Variants in KLHDC4 observed in about 807,000 individuals in gnomAD.
KLHDC4 encodes kelch domain containing 4, also known as kelch domain-containing protein 4.
A neutral mutation model predicts 62.4 loss-of-function variants in KLHDC4; 90 were observed. The ratio of observed to expected loss-of-function variants is 1.44; its 90% CI spans 1.22 to 1.72. The LOEUF is 1.72. KLHDC4 is among the 40% of genes most tolerant of loss of function. The probability of loss-of-function intolerance (pLI) is 0.00; values close to 1 mark genes in which losing one functional copy is unlikely to be tolerated. For missense variants in KLHDC4, 1,025 were observed against 699.7 expected, an observed-to-expected ratio of 1.47 and a Z score of -5.25; for synonymous variants, 386 against 284.4, an observed-to-expected ratio of 1.36 and a Z score of -3.59.
downstream of KLHDC4, chr16:87,703,249 C>T (rs542207433): frequency 4.6e-5 from 7 of 151,794 alleles, no homozygotes; most frequent in East Asian, 1.9e-4. Context: ...GTGCAGGAAT[C>T]GCGAGTGAGT....
chr16:87,706,435 C>T (rs1209952069), downstream of KLHDC4, among the ~76,000 whole-genome samples: 4 of 134,076 alleles, frequency 3.0e-5, no homozygotes, highest in African/African-American at 1.1e-4. Context: ...CCAGGGGGGT[C>T]GGCGGAGGGG....
At chr16:87,750,717 A>C (rs560080699) in intron 4 of KLHDC4, among the ~76,000 whole-genome samples, 1 of 152,182 alleles carries the variant, frequency 6.6e-6, no homozygotes, top group Non-Finnish European at 1.5e-5. Context: ...CCGCACATAG[A>C]AACGGCCACA....
Position 87,748,683 on chromosome 16 carries a change from C to T in KLHDC4, c.496G>A (p.Glu166Lys). ...WVLHLATKTW[E>K]QVKSTGGPSG... is the part of the protein sequence containing the mutation. Reference sequence around the variant, plus strand: ...CATCTGGCTTCTTACTTGACTTGTTCCCAGGTCTTGGTGGCCAAATGCAGG... The same window carrying T: ...CATCTGGCTTCTTACTTGACTTGTTTCCAGGTCTTGGTGGCCAAATGCAGG... The change falls in exon 5 of 12, where the codon GAA (glutamate) becomes AAA (lysine). Residue 166 changes from glutamate to lysine, a missense_variant. Physicochemically the swap from Glu to Lys is moderately conservative, Grantham distance 56. Coordinates refer to ENST00000270583, the MANE Select transcript of KLHDC4 (RefSeq NM_017566.4). The T allele has an allele frequency of 6.2e-7, 1 of 1,613,608 alleles. No homozygotes were observed. The highest frequency in any genetic ancestry group is 8.5e-7 in the Non-Finnish European group (1 of 1,179,924).
At chr16:87,746,415 A>C (rs980454775) in intron 5 of KLHDC4, among the ~76,000 whole-genome samples, 2 of 152,004 alleles carry the variant, frequency 1.3e-5, no homozygotes, top group African/African-American at 4.8e-5. Context: ...GAGTGAGAGA[A>C]AGATTAAGCG....
chr16:87,765,491 GAGGGAGA>G (rs2046515327), intron 1 of KLHDC4, among the ~76,000 whole-genome samples: 1 of 152,120 alleles, frequency 6.6e-6, no homozygotes, highest in Non-Finnish European at 1.5e-5. Flanking sequence ...AGGGAGGGTG[GAGGGAGA>G]AGGGAGGAGG....
At chr16:87,744,210 G>A (rs1421453341) in intron 5 of KLHDC4, among the ~76,000 whole-genome samples, 1 of 152,134 alleles carries the variant, frequency 6.6e-6, no homozygotes, top group Non-Finnish European at 1.5e-5. Context: ...GAGGTCAGGA[G>A]TTCAAGACCA....
intron 5 of KLHDC4, among the ~76,000 whole-genome samples, chr16:87,734,629 A>G (rs1274362203): frequency 6.6e-6 from 1 of 152,184 alleles, no homozygotes; most frequent in Non-Finnish European, 1.5e-5. Flanking sequence ...AACCAGAAGC[A>G]ATCAGTTCCT....
At chr16:87,744,038 G>A (rs1209410883) in intron 5 of KLHDC4, among the ~76,000 whole-genome samples, 1 of 152,026 alleles carries the variant, frequency 6.6e-6, no homozygotes, top group East Asian at 1.9e-4. Context: ...CAGCAATTTG[G>A]GAGGCCGAGG....
At chr16:87,725,431 C>G (rs578207956) in intron 7 of KLHDC4, among the ~76,000 whole-genome samples, 1 of 152,286 alleles carries the variant, frequency 6.6e-6, no homozygotes, top group Non-Finnish European at 1.5e-5. Flanking sequence ...TCCCAAAGTG[C>G]TGGGATTACA....
intron 4 of KLHDC4, among the ~76,000 whole-genome samples, chr16:87,752,871 C>T (rs2044248209): frequency 6.6e-6 from 1 of 152,220 alleles, no homozygotes; most frequent in Non-Finnish European, 1.5e-5. Flanking sequence ...GCAACCTGTA[C>T]CACGTTAGCT....
At chr16:87,725,855 G>C (rs1359633494) in intron 7 of KLHDC4, among the ~76,000 whole-genome samples, 1 of 152,112 alleles carries the variant, frequency 6.6e-6, no homozygotes, top group Non-Finnish European at 1.5e-5. Context: ...ACTGTTCTCA[G>C]GTTACCAAAG....
chr16:87,729,715 G>A (rs72812209), intron 6 of KLHDC4, among the ~76,000 whole-genome samples: 4,719 of 152,316 alleles, frequency 0.031, 111 homozygotes, highest in Non-Finnish European at 0.043. Flanking sequence ...TTCCGGCATC[G>A]CTGTGGAGAG....
intron 7 of KLHDC4, 83 bp from the exon 8 acceptor site, chr16:87,714,656 G>C (rs2036580035): frequency 1.4e-6 from 2 of 1,438,934 alleles, no homozygotes; most frequent in East Asian, 2.3e-5. Context: ...GGCGCATTTT[G>C]GATGGAAGGG....
chr16:87,756,056 G>A (rs994364100), intron 3 of KLHDC4: 1 of 196,548 alleles, frequency 5.1e-6, no homozygotes. Flanking sequence ...CACTTTCCGT[G>A]TTTAAGACAA....
At chr16:87,733,541 G>C (rs2040770371) in intron 5 of KLHDC4, among the ~76,000 whole-genome samples, 1 of 152,100 alleles carries the variant, frequency 6.6e-6, no homozygotes, top group Non-Finnish European at 1.5e-5. Context: ...AGGGTTGCTG[G>C]GCACAGTCAC....
chr16:87,756,828 T>C (rs2045018943), intron 2 of KLHDC4, among the ~76,000 whole-genome samples: 1 of 152,078 alleles, frequency 6.6e-6, no homozygotes, highest in Non-Finnish European at 1.5e-5. Flanking sequence ...TTTTTTCATT[T>C]TTGAGATGGA....
At chr16:87,702,327 A>G (rs774888914) in exon 1 of KLHDC4, 4 of 455,168 alleles carry the variant, frequency 8.8e-6, no homozygotes, top group Non-Finnish European at 1.8e-5. Context: ...CCCTGGGGTC[A>G]GGCTGAGAGA....
rs369408596 is a variant in KLHDC4 at position 87,708,436 on chromosome 16, G to A, written c.1478C>T (p.Ser493Leu). The A allele has an allele frequency of 3.7e-5, 60 of 1,610,408 alleles. No individual in the cohort carries two copies. Among genetic ancestry groups the A allele is most frequent in the Non-Finnish European group, 4.6e-5 (54 of 1,178,658 alleles). Residue 493 changes from serine (S) to leucine (L), a missense_variant, in exon 11 of 12, where the codon TCG becomes TTG. Ser to Leu is a moderately radical substitution (Grantham distance 145). Coordinates refer to ENST00000270583, the MANE Select transcript of KLHDC4 (RefSeq NM_017566.4). The part of the protein sequence containing the change: ...ETQEWLEETD[S>L]EEDSEEVEGA... ...CTCAACCTCCTCACTGTCCTCTTCC[G>A]AGTCCGTCTCCTCCAGCCACTCCTG...
In KLHDC4 at chr16:87,708,471, A is replaced by G. The variant is rs1202543842; in HGVS notation, c.1448-5T>C. 6.3e-7 allele frequency: 1 copy of G among 1,596,526 alleles called. No homozygotes were observed. Among genetic ancestry groups the G allele is most frequent in the Non-Finnish European group, 8.5e-7 (1 of 1,170,186 alleles). On this transcript the variant is annotated splice_polypyrimidine_tract_variant and splice_region_variant and intron_variant, in intron 10 of 11. Coordinates refer to ENST00000270583, the MANE Select transcript of KLHDC4 (RefSeq NM_017566.4). ...CCTCCAGCCACTCCTGAGTTTCTTC[A>G]AAAGCAGAATGAACGCACATACACG...
Sources: gnomAD v4.1 joint callset for allele counts (sites outside exome capture counted in the v4.1 genomes callset) on GRCh38, gnomAD v4.1.1 for gene constraint, MANE v1.5 for transcripts, NCBI Gene and HGNC (gene_info 2026-07-23, HGNC 2026-07-21) for gene names.